CD82: variants seen among roughly 807,000 people sequenced by gnomAD.
CD82 encodes CD82 molecule, also known as CD82 antigen.
A neutral mutation model predicts 37.4 loss-of-function variants in CD82; 36 were observed. That is an observed-to-expected ratio of 0.96 (90% CI 0.74 to 1.27). The LOEUF (loss-of-function observed/expected upper bound fraction) is 1.27. CD82 is among the 50% of genes most tolerant of loss of function. The probability of loss-of-function intolerance (pLI) is 0.00; values close to 1 mark genes in which losing one functional copy is unlikely to be tolerated. For missense variants in CD82, 340 were observed against 347.0 expected (o/e 0.98, Z 0.16); for synonymous variants, 158 against 137.4 (o/e 1.15, Z -1.05).
chr11:44,596,689 G>A (rs190833357), intron 3 of CD82, among the ~76,000 whole-genome samples: 49 of 152,188 alleles, frequency 3.2e-4, no homozygotes, highest in African/African-American at 1.2e-3. Context: ...GAGGGGGGAG[G>A]GGCAGCTTGT....
intron 2 of CD82, among the ~76,000 whole-genome samples, chr11:44,593,814 T>C (rs553171397): frequency 7.2e-5 from 11 of 152,288 alleles, no homozygotes; most frequent in East Asian, 1.9e-4. Context: ...CATGAATTTT[T>C]TGGGGGACTC....
intron 7 of CD82, among the ~76,000 whole-genome samples, chr11:44,616,822 G>T (rs960907014): frequency 1.3e-5 from 2 of 152,226 alleles, no homozygotes; most frequent in Admixed American, 1.3e-4. Flanking sequence ...AGGCCAAGGG[G>T]TTGCTTGGAA....
chr11:44,580,550 T>C (rs1321467551), intron 1 of CD82, among the ~76,000 whole-genome samples: 1 of 152,046 alleles, frequency 6.6e-6, no homozygotes, highest in Non-Finnish European at 1.5e-5. Flanking sequence ...CCGTCTCTAT[T>C]AAAAATACAA....
At chr11:44,590,547 C>T (rs1047186851) in intron 2 of CD82, among the ~76,000 whole-genome samples, 6 of 130,992 alleles carry the variant, frequency 4.6e-5, no homozygotes, top group African/African-American at 1.8e-4. Context: ...GGAGGCGGAG[C>T]TTGCAGTGAG....
chr11:44,578,007 CT>C (rs1197025286), intron 1 of CD82, among the ~76,000 whole-genome samples: 18 of 152,310 alleles, frequency 1.2e-4, no homozygotes, highest in South Asian at 2.1e-4. Flanking sequence ...ACTAACCCCC[CT>C]GAGCCTCAAT....
At chr11:44,612,291 G>T (rs1853493908) in intron 6 of CD82, among the ~76,000 whole-genome samples, 1 of 152,210 alleles carries the variant, frequency 6.6e-6, no homozygotes, top group South Asian at 2.1e-4. Flanking sequence ...CCGCATGTTG[G>T]CTGTGTGACT....
At position 44,618,301 on chromosome 11, in the gene CD82, G is replaced by T; in HGVS notation, c.578G>T (p.Cys193Phe). 1.2e-6 allele frequency: 2 copies of T among 1,613,952 alleles called. No individual in the cohort carries two copies. Among genetic ancestry groups the T allele is most frequent in the South Asian group, 1.1e-5 (1 of 91,086 alleles). Residue 193 changes from cysteine (C) to phenylalanine (F), a missense_variant, in exon 8 of 10, where the codon TGC becomes TTC. Transcript: ENST00000227155. ...DNSLSVRKGF[C>F]EAPGNRTQSG... The stretch of plus-strand genomic sequence containing the variant: ...AGCCTTTCTGTGAGGAAGGGCTTCT[G>T]CGAGGCCCCCGGCAACAGGACCCAG...
At chr11:44,598,602 G>A (rs540381059) in intron 3 of CD82, among the ~76,000 whole-genome samples, 1 of 151,838 alleles carries the variant, frequency 6.6e-6, no homozygotes, top group South Asian at 2.1e-4. Context: ...TGCAGACGGG[G>A]TTTTGCCATG....
At chr11:44,602,780 G>C (rs1371952845) in intron 4 of CD82, among the ~76,000 whole-genome samples, 15 of 152,288 alleles carry the variant, frequency 9.8e-5, no homozygotes, top group Non-Finnish European at 4.4e-5. Flanking sequence ...TGGGATCCTG[G>C]GGGGAGACAG....
rs560174363 is a variant in CD82, at chr11:44,574,790, G to A, written c.-103+9054G>A. On this transcript the variant is annotated intron_variant, in intron 1 of 9. Coordinates refer to ENST00000227155, the MANE Select transcript of CD82 (RefSeq NM_002231.4). ...GCCACTTTTGACTGAGTGCTGTATA[G>A]GGAGGGTTTTCCCATGTGATTGAGC... is the stretch of plus-strand genomic sequence containing the variant. Among the ~76,000 whole-genome samples the A allele has an allele frequency of 2.0e-5, 3 of 152,272 alleles. No homozygotes were observed. In the South Asian group the frequency reaches 6.2e-4, roughly 32 times the overall value.
At chr11:44,590,712 C>A (rs1482028688) in intron 2 of CD82, among the ~76,000 whole-genome samples, 1 of 151,362 alleles carries the variant, frequency 6.6e-6, no homozygotes, top group African/African-American at 2.4e-5. Flanking sequence ...AGTTTACCAA[C>A]CCTGGTTCCA....
At position 44,597,610 on chromosome 11, in the gene CD82, GAGT is replaced by G. The variant is rs1407045055; in HGVS notation, c.64-2544_64-2542del. 2.6e-5 allele frequency among the ~76,000 whole-genome samples: 4 copies of G among 152,250 alleles called. No individual in the cohort carries two copies. The highest frequency in any genetic ancestry group is 1.3e-4 in the Admixed American group (2 of 15,292). The stretch of plus-strand genomic sequence containing the variant: ...CTCTTGGCAAGCTGAGGAGCCAGCT[GAGT>G]AGTGTGGGGTTTTGATCTACTTGGG... On this transcript the variant is annotated intron_variant, in intron 3 of 9. Transcript: ENST00000227155. This position sits in a 1 kb window ranked among gnomAD's most constrained non-coding sequence, Gnocchi z 4.1.
Position 44,618,704 on chromosome 11 carries a change from T to A in CD82, c.707T>A (p.Val236Glu), listed in dbSNP as rs748913627. Residue 236 changes from valine to glutamate, a missense_variant, in exon 9 of 10, where the codon GTG becomes GAG. Transcript: ENST00000227155. The stretch of plus-strand genomic sequence containing the variant: ...CTGGGCATCATCCTCGGCGTGGGCG[T>A]GGGTGTGGCCATCATCGAGGTCTGA... ...ENLGIILGVG[V>E]GVAIIELLGM... 2 of 1,613,452 alleles carry A rather than the reference T, an allele frequency of 1.2e-6. No homozygotes were observed. The highest frequency in any genetic ancestry group is 4.5e-5 in the East Asian group (2 of 44,828).
At chr11:44,565,204 T>G (rs117927474), upstream of CD82, among the ~76,000 whole-genome samples, 5,416 of 150,702 alleles carry the variant, frequency 0.036, 127 homozygotes, top group Admixed American at 0.062. Flanking sequence ...CCCAGGCTGG[T>G]GCGGGGAGGG....
intron 1 of CD82, among the ~76,000 whole-genome samples, chr11:44,575,766 C>A (rs1218240449): frequency 6.6e-6 from 1 of 152,174 alleles, no homozygotes; most frequent in East Asian, 1.9e-4. Flanking sequence ...ACCTCACCAC[C>A]CCTTCTCCCA....
At chr11:44,585,135 TCCCCCAG>T in intron 1 of CD82, 1 of 453,018 alleles carries the variant, frequency 2.2e-6, no homozygotes, top group Non-Finnish European at 4.5e-6. Context: ...GTCCTACTTC[TCCCCCAG>T]CCCCTTACCC....
At position 44,618,357 on chromosome 11, in the gene CD82, T is replaced by G; in HGVS notation, c.634T>G (p.Tyr212Asp). Reference protein sequence around the residue: ...SGNHPEDWPVYQEGCMEKVQA... With the variant: ...SGNHPEDWPVDQEGCMEKVQA... ...CAACCACCCTGAGGACTGGCCTGTG[T>G]ACCAGGAGGTGTGCGGGGGGCTGCG... The change falls in exon 8 of 10, where the codon TAC (tyrosine) becomes GAC (aspartate). Residue 212 changes from tyrosine to aspartate, a missense_variant. Physicochemically the swap from Tyr to Asp is radical, Grantham distance 160. Coordinates refer to ENST00000227155, the MANE Select transcript of CD82 (RefSeq NM_002231.4). The G allele has an allele frequency of 1.2e-6, 2 of 1,612,978 alleles. No individual in the cohort carries two copies. The highest frequency in any genetic ancestry group is 1.7e-6 in the Non-Finnish European group (2 of 1,179,882).
intron 6 of CD82, among the ~76,000 whole-genome samples, chr11:44,612,863 T>C (rs1853505903): frequency 6.6e-6 from 1 of 152,050 alleles, no homozygotes; most frequent in Admixed American, 6.5e-5. Flanking sequence ...GGTCTCGATC[T>C]CCTGAGCTCG....
chr11:44,596,083 G>T (rs540509929), intron 3 of CD82, among the ~76,000 whole-genome samples: 6 of 152,134 alleles, frequency 3.9e-5, no homozygotes, highest in Non-Finnish European at 8.8e-5. Context: ...CCCTGGCCCC[G>T]GCCCTAGCTC....
Sources: allele counts gnomAD v4.1 joint callset (sites outside exome capture counted in the v4.1 genomes callset), GRCh38; gene constraint gnomAD v4.1.1; non-coding constraint Gnocchi (gnomAD v3.1); transcripts MANE v1.5; gene names NCBI Gene and HGNC (gene_info 2026-07-23, HGNC 2026-07-21).